The following ACAD10 variants were observed in gnomAD, a reference collection of about 807,000 sequenced individuals.
ACAD10 encodes the protein acyl-CoA dehydrogenase family member 10.
In ACAD10, 112 loss-of-function variants were observed where a neutral mutation model predicts 116.8. The ratio of observed to expected loss-of-function variants is 0.96; its 90% CI spans 0.82 to 1.12. ACAD10 has a LOEUF of 1.12. Among genes scored for constraint, ACAD10 ranks in the 50% most tolerant of loss-of-function variants. The probability of loss-of-function intolerance (pLI) is 0.00; values close to 1 mark genes in which losing one functional copy is unlikely to be tolerated. For missense variants in ACAD10, 1,259 were observed against 1,350.2 expected, an observed-to-expected ratio of 0.93 and a Z score of 1.06; for synonymous variants, 486 against 510.6, an observed-to-expected ratio of 0.95 and a Z score of 0.65.
chr12:111,729,480 C>T (rs369036861), intron 9 of ACAD10, among the ~76,000 whole-genome samples: 203 of 152,144 alleles, frequency 1.3e-3, no homozygotes, highest in South Asian at 4.4e-3. Context: ...CTCCTGCCTG[C>T]GTTGGCCTCC....
chr12:111,709,511 C>T lies in ACAD10; in HGVS notation c.532-15C>T. 1 of 1,537,016 alleles carries T rather than the reference C, an allele frequency of 6.5e-7. No homozygotes were observed. The highest frequency in any genetic ancestry group is 8.7e-7 in the Non-Finnish European group (1 of 1,143,128). On this transcript the variant is annotated splice_polypyrimidine_tract_variant and intron_variant, in intron 4 of 20. Coordinates refer to ENST00000313698, the MANE Select transcript of ACAD10 (RefSeq NM_025247.6). ...CTTTCGGGACATTCATCTCTCATTC[C>T]TGTCCCTCCATCAGATTGTGGAGTC...
In ACAD10 at chr12:111,746,273, T is replaced by C. The variant is rs752549796; in HGVS notation, c.2245T>C (p.Tyr749His). The stretch of plus-strand genomic sequence containing the variant: ...GTGTGAGCTCATGGGCACGTCCCTG[T>C]ATGCCCCCGAGGTACCTTCTTTAAA... ...HLCELMGTSLYAPEVCNCSAP... is the reference protein window; with the variant it reads ...HLCELMGTSLHAPEVCNCSAP... Residue 749 changes from tyrosine (Y) to histidine (H), a missense_variant, in exon 14 of 21, where the codon TAT becomes CAT. Tyr to His is a moderately conservative substitution (Grantham distance 83, BLOSUM62 2). Transcript: ENST00000313698. 1.4e-5 allele frequency: 23 copies of C among 1,612,516 alleles called. No homozygotes were observed. Among genetic ancestry groups the C allele is most frequent in the African/African-American group, 9.4e-5 (7 of 74,812 alleles).
intron 2 of ACAD10, among the ~76,000 whole-genome samples, chr12:111,701,539 C>T (rs1458899943): frequency 1.3e-5 from 2 of 152,138 alleles, no homozygotes; most frequent in African/African-American, 2.4e-5. Flanking sequence ...GTGGTGCACG[C>T]CTATAATCTC....
rs955340956 is a variant in ACAD10 at position 111,729,937 on chromosome 12, G to A, written c.1375G>A (p.Val459Met). ...LHLPRQQRTT[V>M]VHGDFRLDNL... is the part of the protein sequence containing the mutation. ...TCTTCCCCGTCAGCAGAGGACCACAGTGGTGCACGGGGACTTCAGGTAGAT... is the reference window on the plus strand; with the variant it reads ...TCTTCCCCGTCAGCAGAGGACCACAATGGTGCACGGGGACTTCAGGTAGAT... Residue 459 changes from valine to methionine, a missense_variant, in exon 10 of 21, where the codon GTG becomes ATG. Physicochemically the swap from Val to Met is conservative, Grantham distance 21. Transcript: ENST00000313698. 14 of 1,613,972 alleles carry A rather than the reference G, an allele frequency of 8.7e-6. No individual in the cohort carries two copies. The highest frequency in any genetic ancestry group is 1.2e-5 in the Non-Finnish European group (14 of 1,179,990).
intron 18 of ACAD10, among the ~76,000 whole-genome samples, chr12:111,751,503 G>A (rs1256214709): frequency 6.6e-6 from 1 of 152,156 alleles, no homozygotes; most frequent in Non-Finnish European, 1.5e-5. Flanking sequence ...GGCTGAGGTG[G>A]GCGGATCACT....
Position 111,728,063 on chromosome 12 carries a change from A to G in ACAD10, c.1163A>G (p.Tyr388Cys). 1.2e-6 allele frequency: 2 copies of G among 1,614,158 alleles called. No individual in the cohort carries two copies. Among genetic ancestry groups the G allele is most frequent in the Non-Finnish European group, 1.7e-6 (2 of 1,180,028 alleles). Residue 388 changes from tyrosine to cysteine, a missense_variant, in exon 9 of 21, where the codon TAC becomes TGC. Tyr to Cys is a radical substitution (Grantham distance 194). Coordinates refer to ENST00000313698, the MANE Select transcript of ACAD10 (RefSeq NM_025247.6). ...GAGCCCAGCCACAGACGAGCCATAT[A>G]CACTGCCATGAACACAGTCCTGTGC... The part of the protein sequence containing the change: ...GLEPSHRRAI[Y>C]TAMNTVLCKI...
rs1477048290 is a variant in ACAD10, at chr12:111,749,198, G to A, written c.2670G>A (p.Glu890=). The part of the protein sequence containing the change: ...APGGHGEVRF[E]HVRVPKENMV... ...GTGGCCATGGTGAAGTCCGATTTGA[G>A]CACGTGCGTGTGCCCAAAGAGAACA... The change falls in exon 18 of 21, where the codon GAG becomes GAA. Residue 890 remains glutamate (E), a synonymous_variant. Transcript: ENST00000313698. The A allele has an allele frequency of 2.5e-6, 4 of 1,613,568 alleles. No individual in the cohort carries two copies. The highest frequency in any genetic ancestry group is 4.5e-5 in the East Asian group (2 of 44,858).
At chr12:111,718,034 TC>T (rs1888893948) in intron 7 of ACAD10, among the ~76,000 whole-genome samples, 2 of 141,526 alleles carry the variant, frequency 1.4e-5, no homozygotes, top group Non-Finnish European at 3.0e-5. Context: ...TATAGTGATA[TC>T]CTTTTTTTTT....
intron 8 of ACAD10, among the ~76,000 whole-genome samples, chr12:111,722,252 CAG>C (rs1889035641): frequency 6.6e-6 from 1 of 152,262 alleles, no homozygotes; most frequent in Admixed American, 6.5e-5. Context: ...TGAGTAGAGA[CAG>C]GGTTTCGCCA....
intron 12 of ACAD10, among the ~76,000 whole-genome samples, chr12:111,742,174 C>T (rs555036450): frequency 6.6e-6 from 1 of 152,248 alleles, no homozygotes; most frequent in Admixed American, 6.5e-5. Flanking sequence ...CAAGCTTATA[C>T]AAGTGACTTT....
intron 8 of ACAD10, 85 bp from the exon 9 acceptor site, chr12:111,727,877 G>C: frequency 7.2e-7 from 1 of 1,380,440 alleles, no homozygotes; most frequent in South Asian, 1.4e-5. Context: ...GTATACCCAG[G>C]GAAAGTGACA....
chr12:111,726,654 G>A (rs770081220), intron 8 of ACAD10, among the ~76,000 whole-genome samples: 63 of 152,056 alleles, frequency 4.1e-4, no homozygotes, highest in Non-Finnish European at 7.8e-4. Context: ...GAGGTCAGGA[G>A]ATTGAGACCA....
At chr12:111,722,211 C>G (rs1226205149) in intron 8 of ACAD10, among the ~76,000 whole-genome samples, 1 of 151,890 alleles carries the variant, frequency 6.6e-6, no homozygotes, top group Non-Finnish European at 1.5e-5. Flanking sequence ...ACAGGTGCCC[C>G]CTACTATGCC....
In ACAD10 at chr12:111,712,675, A is replaced by G. The variant is rs777205928; in HGVS notation, c.850+18A>G. On this transcript the variant is annotated intron_variant, in intron 6 of 20. Coordinates refer to ENST00000313698, the MANE Select transcript of ACAD10 (RefSeq NM_025247.6). The stretch of plus-strand genomic sequence containing the variant: ...GACCACAGGTATGTGGGCTTCTTTC[A>G]TGTTTTGGTAGCTCTCTCCAAGGCG... The G allele has an allele frequency of 1.1e-5, 18 of 1,611,612 alleles. No individual in the cohort carries two copies. The highest frequency in any genetic ancestry group is 1.4e-5 in the Non-Finnish European group (17 of 1,178,926).
At chr12:111,734,383 G>T (rs142465173) in intron 11 of ACAD10, among the ~76,000 whole-genome samples, 2,378 of 152,198 alleles carry the variant, frequency 0.016, 71 homozygotes, top group African/African-American at 0.054. Context: ...ATCCCAGCAC[G>T]TTGGGAGGCC....
intron 1 of ACAD10, chr12:111,690,921 C>T (rs768017612): frequency 3.3e-5 from 5 of 152,068 alleles, no homozygotes; most frequent in Non-Finnish European, 7.3e-5. Flanking sequence ...TGCTGTCTTA[C>T]CAACCTGTTT....
chr12:111,696,804 G>A (rs1015407457), intron 2 of ACAD10, among the ~76,000 whole-genome samples: 6 of 152,026 alleles, frequency 3.9e-5, no homozygotes, highest in African/African-American at 7.2e-5. Flanking sequence ...AATTTAGGCC[G>A]GGCACAGTAG....
At chr12:111,746,009 C>T (rs1889883446) in intron 13 of ACAD10, 135 bp from the exon 14 acceptor site, 1 of 1,099,506 alleles carries the variant, frequency 9.1e-7, no homozygotes, top group Admixed American at 2.7e-5. Flanking sequence ...CCCAGCTCCT[C>T]ATATCATTTT....
intron 1 of ACAD10, 38 bp downstream of exon 1, chr12:111,686,277 T>TTGCCCCTTTTGTTGTGTTTGA: frequency 6.6e-6 from 1 of 152,494 alleles, no homozygotes; most frequent in East Asian, 1.9e-4. Flanking sequence ...ATGCAGAACT[T>TTGCCCCTTTTGTTGTGTTTGA]TGCCCCTTTT....
Sources: allele counts gnomAD v4.1 joint callset (sites outside exome capture counted in the v4.1 genomes callset), GRCh38; gene constraint gnomAD v4.1.1; transcripts MANE v1.5; gene names NCBI Gene and HGNC (gene_info 2026-07-23, HGNC 2026-07-21).